Variants in DMD observed in about 807,000 individuals in gnomAD.
DMD encodes the protein mutant dystrophin.
A neutral mutation model predicts 330.1 loss-of-function variants in DMD; 63 were observed. That is an observed-to-expected ratio of 0.19 (90% CI 0.16 to 0.24). The LOEUF (loss-of-function observed/expected upper bound fraction) is 0.24. Ranked by LOEUF, DMD falls within the 10% of genes least tolerant of loss-of-function variation. The probability of loss-of-function intolerance (pLI) is 1.00; values close to 1 mark genes in which losing one functional copy is unlikely to be tolerated. For missense variants in DMD, 3,344 were observed against 2,684.1 expected, an observed-to-expected ratio of 1.25 and a Z score of -5.43; for synonymous variants, 1,223 against 959.8, an observed-to-expected ratio of 1.27 and a Z score of -5.07.
chrX:33,041,131 T>C (rs145255883), intron 1 of DMD, among the ~76,000 whole-genome samples: 45 of 112,737 alleles, frequency 4.0e-4, no homozygotes, highest in African/African-American at 1.4e-3. Flanking sequence ...ACAAAGAGAA[T>C]AACAGTACCT....
At chrX:32,661,225 A>G (rs1428186806) in intron 9 of DMD, among the ~76,000 whole-genome samples, 1 of 111,440 alleles carries the variant, frequency 9.0e-6, no homozygotes, top group East Asian at 2.8e-4. Context: ...TGTGCTTTAA[A>G]TTATAATGCT....
chrX:32,670,493 A>C (rs1010681719), intron 9 of DMD, among the ~76,000 whole-genome samples: 1 of 111,800 alleles, frequency 8.9e-6, no homozygotes, highest in Admixed American at 9.5e-5. Context: ...TCTTAATCTT[A>C]ATCTGTATAG....
intron 51 of DMD, among the ~76,000 whole-genome samples, chrX:31,764,173 T>C (rs1457455643): frequency 8.9e-6 from 1 of 111,883 alleles, no homozygotes; most frequent in Non-Finnish European, 1.9e-5. Flanking sequence ...TCTGGACCCG[T>C]CCTCATTTTC....
intron 44 of DMD, among the ~76,000 whole-genome samples, chrX:32,213,408 C>A (rs1026682466): frequency 2.1e-4 from 24 of 112,290 alleles, no homozygotes; most frequent in African/African-American, 6.8e-4. Flanking sequence ...ACCCATTTTA[C>A]GATAATTACT....
intron 1 of DMD, among the ~76,000 whole-genome samples, chrX:33,338,602 G>A (rs1027353155): frequency 9.0e-6 from 1 of 111,193 alleles, no homozygotes; most frequent in Non-Finnish European, 1.9e-5. Flanking sequence ...GTAATCAAGC[G>A]AGAAATCATA....
At chrX:31,272,494 C>T (rs1330645139) in intron 62 of DMD, among the ~76,000 whole-genome samples, 1 of 112,180 alleles carries the variant, frequency 8.9e-6, no homozygotes, top group African/African-American at 3.2e-5. Context: ...GCCAAATAAG[C>T]GGAATTTCAA....
intron 62 of DMD, among the ~76,000 whole-genome samples, chrX:31,286,906 C>T (rs912288229): frequency 8.9e-6 from 1 of 112,295 alleles, no homozygotes; most frequent in Admixed American, 9.4e-5. Context: ...GCTGGGATTA[C>T]AGGCATGTGC....
intron 29 of DMD, among the ~76,000 whole-genome samples, chrX:32,434,060 T>C (rs1340903605): frequency 8.9e-6 from 1 of 112,107 alleles, no homozygotes; most frequent in African/African-American, 3.2e-5. Flanking sequence ...ACTCACACTC[T>C]GAAATTAGGG....
At chrX:32,157,406 A>G (rs1042619695) in intron 44 of DMD, among the ~76,000 whole-genome samples, 3 of 112,672 alleles carry the variant, frequency 2.7e-5, no homozygotes, top group Non-Finnish European at 5.6e-5. Flanking sequence ...ACCAATATTT[A>G]TATCTTCAAG....
chrX:31,334,768 A>G (rs921398603), intron 61 of DMD, among the ~76,000 whole-genome samples: 1 of 112,065 alleles, frequency 8.9e-6, no homozygotes, highest in Non-Finnish European at 1.9e-5. Flanking sequence ...AGCCAACCAT[A>G]GTTGATAAGA....
At chrX:32,491,754 T>C (rs2043019467) in intron 19 of DMD, among the ~76,000 whole-genome samples, 1 of 111,785 alleles carries the variant, frequency 8.9e-6, no homozygotes, top group African/African-American at 3.3e-5. Context: ...ACATAAGATG[T>C]AGAAAATTAG....
intron 1 of DMD, among the ~76,000 whole-genome samples, chrX:33,033,566 A>AAAAAAAAAAAAAAAAAAAAAAAC (rs1408771836): frequency 9.3e-6 from 1 of 107,093 alleles, no homozygotes; most frequent in Non-Finnish European, 1.9e-5. Context: ...AAAAAAAAAA[A>AAAAAAAAAAAAAAAAAAAAAAAC]AAACTAGCCG....
intron 53 of DMD, among the ~76,000 whole-genome samples, chrX:31,670,072 AT>A (rs1382661011): frequency 9.0e-6 from 1 of 111,325 alleles, no homozygotes; most frequent in Non-Finnish European, 1.9e-5. Context: ...GCCATTGTAA[AT>A]ATTTTCTTAA....
At chrX:32,406,081 G>C (rs2098115537) in intron 30 of DMD, among the ~76,000 whole-genome samples, 1 of 111,660 alleles carries the variant, frequency 9.0e-6, no homozygotes, top group Non-Finnish European at 1.9e-5. Flanking sequence ...AAGAATGCTT[G>C]TGATTTTTGC....
intron 43 of DMD, among the ~76,000 whole-genome samples, chrX:32,283,795 G>A (rs1452637217): frequency 9.0e-6 from 1 of 111,005 alleles, no homozygotes; most frequent in Non-Finnish European, 1.9e-5. Context: ...AAACAGCAGA[G>A]TTGAGTAGTT....
At chrX:31,713,462 G>T (rs1201558862) in intron 52 of DMD, among the ~76,000 whole-genome samples, 1 of 110,750 alleles carries the variant, frequency 9.0e-6, no homozygotes, top group Non-Finnish European at 1.9e-5. Context: ...AGTTATTGTT[G>T]GTACACATTT....
intron 7 of DMD, among the ~76,000 whole-genome samples, chrX:32,742,288 A>C (rs2069387022): frequency 3.6e-5 from 4 of 112,239 alleles, no homozygotes; most frequent in Admixed American, 2.9e-4. Flanking sequence ...TCCGTTCTAA[A>C]ATAAAGCCAA....
At chrX:32,204,988 C>CTCTCTT (rs2097058012) in intron 44 of DMD, among the ~76,000 whole-genome samples, 1 of 47,749 alleles carries the variant, frequency 2.1e-5, no homozygotes, top group Non-Finnish European at 3.9e-5. Context: ...CTCTCTCTCT[C>CTCTCTT]TCTCTCTCTC....
At chrX:31,169,092 T>C (rs1199489090) in intron 74 of DMD, among the ~76,000 whole-genome samples, 1 of 111,694 alleles carries the variant, frequency 9.0e-6, no homozygotes, top group Non-Finnish European at 1.9e-5. Context: ...GCCAAACACA[T>C]GTAAAAAAAA....
Sources: gnomAD v4.1 joint callset for allele counts (sites outside exome capture counted in the v4.1 genomes callset) on GRCh38, gnomAD v4.1.1 for gene constraint, MANE v1.5 for transcripts, NCBI Gene and HGNC (gene_info 2026-07-23, HGNC 2026-07-21) for gene names.